CACNB4: variants seen among roughly 807,000 people sequenced by gnomAD.
The protein encoded by CACNB4 is calcium voltage-gated channel auxiliary subunit beta 4.
In CACNB4, 32 loss-of-function variants were observed where a neutral mutation model predicts 71.2. That is an observed-to-expected ratio of 0.45 (90% CI 0.34 to 0.60). The LOEUF is 0.60. Ranked by LOEUF, CACNB4 falls within the 20% of genes least tolerant of loss-of-function variation. The pLI is 0.01. For missense variants in CACNB4, 464 were observed against 647.9 expected (o/e 0.72, Z 3.08); for synonymous variants, 231 against 236.9 (o/e 0.97, Z 0.23).
chr2:152,032,559 T>C (rs1308209583), intron 2 of CACNB4, among the ~76,000 whole-genome samples: 2 of 152,234 alleles, frequency 1.3e-5, no homozygotes, highest in South Asian at 2.1e-4. Flanking sequence ...GACATTTTAA[T>C]ACAACTTTAT....
At chr2:152,038,244 C>T (rs1412784469) in intron 2 of CACNB4, among the ~76,000 whole-genome samples, 4 of 152,178 alleles carry the variant, frequency 2.6e-5, no homozygotes, top group African/African-American at 9.7e-5. Flanking sequence ...GGTTGGTGAG[C>T]TTGTAATTCT....
intron 2 of CACNB4, among the ~76,000 whole-genome samples, chr2:151,941,862 T>C (rs2099864354): frequency 6.6e-6 from 1 of 152,106 alleles, no homozygotes; most frequent in East Asian, 1.9e-4. Flanking sequence ...TTGAAGGAGA[T>C]ACAGCTGTTC....
At chr2:151,984,526 A>C (rs138989786) in intron 2 of CACNB4, among the ~76,000 whole-genome samples, 15 of 152,278 alleles carry the variant, frequency 9.9e-5, no homozygotes, top group African/African-American at 3.6e-4. Context: ...TTTGGGAATC[A>C]TTATCCTATC....
chr2:151,926,137 A>G (rs1373060549), intron 2 of CACNB4, among the ~76,000 whole-genome samples: 1 of 152,222 alleles, frequency 6.6e-6, no homozygotes, highest in Non-Finnish European at 1.5e-5. Context: ...GAATGTATAT[A>G]GGCAGAAAGA....
chr2:152,033,574 C>A (rs1684402708), intron 2 of CACNB4, among the ~76,000 whole-genome samples: 1 of 152,150 alleles, frequency 6.6e-6, no homozygotes, highest in Non-Finnish European at 1.5e-5. Context: ...ATACCATTTC[C>A]AAAAAGGAAA....
At chr2:151,926,235 C>T (rs1286187791) in intron 2 of CACNB4, among the ~76,000 whole-genome samples, 1 of 151,860 alleles carries the variant, frequency 6.6e-6, no homozygotes, top group Admixed American at 6.6e-5. Flanking sequence ...AACTAGTTGC[C>T]AAAAAAGCCA....
intron 8 of CACNB4, 184 bp downstream of exon 8, chr2:151,870,347 T>A: frequency 1.4e-6 from 1 of 705,618 alleles, no homozygotes; most frequent in South Asian, 1.5e-5. Flanking sequence ...ATGAGAAGTG[T>A]GCAAGAGAGG....
chr2:152,034,386 C>CGTGTG (rs1406758015), intron 2 of CACNB4, among the ~76,000 whole-genome samples: 4 of 152,294 alleles, frequency 2.6e-5, no homozygotes, highest in East Asian at 3.9e-4. Context: ...GGCCCTCACA[C>CGTGTG]AGGGCTCTGG....
chr2:151,865,419 T>A (rs1179353870), intron 9 of CACNB4, among the ~76,000 whole-genome samples: 1 of 152,224 alleles, frequency 6.6e-6, no homozygotes, highest in East Asian at 1.9e-4. Context: ...TTGGCCATGA[T>A]CATTATCAGT....
At chr2:151,961,821 G>A (rs991269565) in intron 2 of CACNB4, among the ~76,000 whole-genome samples, 1 of 152,144 alleles carries the variant, frequency 6.6e-6, no homozygotes, top group Non-Finnish European at 1.5e-5. Context: ...AGCCCAGGAG[G>A]TCCAAGGCTG....
At chr2:151,999,112 G>C in intron 2 of CACNB4, among the ~76,000 whole-genome samples, 1 of 152,134 alleles carries the variant, frequency 6.6e-6, no homozygotes, top group East Asian at 1.9e-4. Context: ...TAGGAACAGG[G>C]TGTCTTTTAA....
chr2:151,977,278 G>A (rs1332451284), intron 2 of CACNB4, among the ~76,000 whole-genome samples: 1 of 152,196 alleles, frequency 6.6e-6, no homozygotes, highest in Non-Finnish European at 1.5e-5. Context: ...AAAGCCCTAT[G>A]AAAAAGCATC....
At position 151,883,379 on chromosome 2, in the gene CACNB4, G is replaced by T. The variant is rs2151453155; in HGVS notation, c.148-9C>A. 1.2e-6 allele frequency: 2 copies of T among 1,613,644 alleles called. No individual in the cohort carries two copies. The highest frequency in any genetic ancestry group is 1.7e-5 in the Admixed American group (1 of 60,020). On this transcript the variant is annotated splice_polypyrimidine_tract_variant and intron_variant, in intron 2 of 13. Transcript: ENST00000539935. ...TAGGAATCCGCTGAACCCTGGCAAA[G>T]AAAATAGAATAGTTTCAGATGATGT... is the stretch of plus-strand genomic sequence containing the variant.
intron 8 of CACNB4, 60 bp from the exon 9 acceptor site, chr2:151,869,295 C>G: frequency 1.0e-6 from 1 of 988,742 alleles, no homozygotes; most frequent in South Asian, 1.4e-5. Context: ...AGAGAGAAGT[C>G]AAAAGGGAGA....
At chr2:152,028,265 C>T (rs1174331470) in intron 2 of CACNB4, among the ~76,000 whole-genome samples, 1 of 152,164 alleles carries the variant, frequency 6.6e-6, no homozygotes, top group Admixed American at 6.5e-5. Context: ...CATCTCCAGA[C>T]CAGCAAAGGA....
chr2:151,912,061 T>C (rs2099856302), intron 2 of CACNB4, among the ~76,000 whole-genome samples: 1 of 152,098 alleles, frequency 6.6e-6, no homozygotes, highest in Non-Finnish European at 1.5e-5. Flanking sequence ...CTTCTCTCTT[T>C]TCTTCTTCTT....
At chr2:151,898,852 G>C (rs2099852711) in intron 2 of CACNB4, among the ~76,000 whole-genome samples, 2 of 152,206 alleles carry the variant, frequency 1.3e-5, no homozygotes, top group African/African-American at 4.8e-5. Context: ...CTATGGCTGG[G>C]TGTGATGATG....
chr2:152,011,936 GC>G (rs1431949796), intron 2 of CACNB4, among the ~76,000 whole-genome samples: 1 of 152,154 alleles, frequency 6.6e-6, no homozygotes, highest in Admixed American at 6.6e-5. Context: ...TTGTGACGAT[GC>G]TAGTGTAAAC....
chr2:151,947,646 A>G (rs2099865921), intron 2 of CACNB4, among the ~76,000 whole-genome samples: 1 of 152,062 alleles, frequency 6.6e-6, no homozygotes, highest in Non-Finnish European at 1.5e-5. Context: ...AGGTTCTTTC[A>G]TTTGCAAAAA....
Sources: gnomAD v4.1 joint callset for allele counts (sites outside exome capture counted in the v4.1 genomes callset) on GRCh38, gnomAD v4.1.1 for gene constraint, MANE v1.5 for transcripts, NCBI Gene and HGNC (gene_info 2026-07-23, HGNC 2026-07-21) for gene names.